The following GPHN variants were observed in gnomAD, a reference collection of about 807,000 sequenced individuals.
The protein encoded by GPHN is gephyrin.
In GPHN, 17 loss-of-function variants were observed where a neutral mutation model predicts 95.5. The observed-to-expected ratio is 0.18, with a 90% CI of 0.12 to 0.27. The LOEUF is 0.27. Among genes scored for constraint, GPHN ranks in the 10% least tolerant of loss-of-function variants. The pLI is 1.00. For synonymous variants in GPHN, 320 were observed against 322.5 expected (o/e 0.99, Z 0.08); for missense variants, 660 against 978.1 (o/e 0.67, Z 4.34).
the GPHN span, among the ~76,000 whole-genome samples, chr14:67,420,922 GGTAAA>G: frequency 2.6e-5 from 4 of 152,208 alleles, no homozygotes. Context: ...ATCTGATCTT[GGTAAA>G]GTACAGATCT....
At chr14:66,909,300 C>T (rs2065550167) in intron 5 of GPHN, among the ~76,000 whole-genome samples, 1 of 152,048 alleles carries the variant, frequency 6.6e-6, no homozygotes, top group Non-Finnish European at 1.5e-5. Flanking sequence ...TGTAGTAAAA[C>T]GTAAACATTT....
chr14:67,628,484 T>C, the GPHN span, among the ~76,000 whole-genome samples: 1 of 152,236 alleles, frequency 6.6e-6, no homozygotes, highest in Non-Finnish European at 1.5e-5. Context: ...AAATCTATAA[T>C]AGACACTATT....
Position 66,561,174 on chromosome 14 carries a change from G to A in GPHN, c.64+52583G>A, listed in dbSNP as rs868604833. Among the ~76,000 whole-genome samples the A allele has an allele frequency of 7.2e-5, 11 of 152,236 alleles. 2 individuals are homozygous for A. The highest frequency in any genetic ancestry group is 2.4e-4 in the African/African-American group (10 of 41,554). ...TTTTATTGAGGATTTTTGCATCAAT[G>A]TTCATCAAGGATATTGGTCTAAAAT... is the stretch of plus-strand genomic sequence containing the variant. On this transcript the variant is annotated intron_variant, in intron 1 of 22. Transcript: ENST00000478722.
intron 1 of GPHN, among the ~76,000 whole-genome samples, chr14:66,576,764 G>T (rs1029462821): frequency 6.6e-6 from 1 of 152,128 alleles, no homozygotes; most frequent in Non-Finnish European, 1.5e-5. Context: ...TTATGATTAA[G>T]AGTAGTATAT....
the GPHN span, among the ~76,000 whole-genome samples, chr14:67,309,046 C>T: frequency 2.0e-5 from 3 of 152,000 alleles, no homozygotes; most frequent in African/African-American, 7.3e-5. Context: ...AAGATAATTG[C>T]GTCCAAACAG....
intron 10 of GPHN, among the ~76,000 whole-genome samples, chr14:67,033,408 A>T (rs926140743): frequency 1.3e-5 from 2 of 151,966 alleles, no homozygotes; most frequent in East Asian, 1.9e-4. Context: ...TACTAAAAAT[A>T]AAAAAAGTAG....
intron 5 of GPHN, among the ~76,000 whole-genome samples, chr14:66,880,466 A>G (rs888647946): frequency 6.6e-6 from 1 of 151,968 alleles, no homozygotes; most frequent in Admixed American, 6.6e-5. Context: ...GTTTATTACT[A>G]TGTAAAGTTA....
intron 8 of GPHN, among the ~76,000 whole-genome samples, chr14:66,940,339 G>C (rs2153572341): frequency 6.6e-6 from 1 of 152,218 alleles, no homozygotes; most frequent in South Asian, 2.1e-4. Flanking sequence ...TACTCATGTA[G>C]AAAGAGGGGA....
chr14:67,381,774 T>C, the GPHN span: 1 of 977,120 alleles, frequency 1.0e-6, no homozygotes, highest in South Asian at 1.6e-5. Flanking sequence ...TTTTTTTTTT[T>C]TAATCACATT....
At chr14:67,676,412 A>T in the GPHN span, among the ~76,000 whole-genome samples, 173 of 152,216 alleles carry the variant, frequency 1.1e-3, no homozygotes, top group African/African-American at 3.8e-3. Flanking sequence ...ACAGTACAGA[A>T]ATAAGGGGCA....
intron 1 of GPHN, among the ~76,000 whole-genome samples, chr14:66,522,762 A>T (rs1280765574): frequency 2.0e-5 from 3 of 150,292 alleles, no homozygotes; most frequent in Non-Finnish European, 3.0e-5. Context: ...AAAATATATA[A>T]TTTTTTTTTC....
At chr14:67,486,901 T>A in the GPHN span, 1 of 151,982 alleles carries the variant, frequency 6.6e-6, no homozygotes, top group East Asian at 1.9e-4. Context: ...GGGAACAGAC[T>A]CAGAACTAGA....
chr14:66,817,558 GT>G (rs1233653723), intron 3 of GPHN, among the ~76,000 whole-genome samples: 1 of 152,086 alleles, frequency 6.6e-6, no homozygotes, highest in East Asian at 1.9e-4. Flanking sequence ...ATAGTGATTT[GT>G]TATTTTTCAC....
chr14:66,525,412 A>C (rs572789402), intron 1 of GPHN, among the ~76,000 whole-genome samples: 1 of 152,084 alleles, frequency 6.6e-6, no homozygotes, highest in Non-Finnish European at 1.5e-5. Context: ...AGATGAGTAG[A>C]TTGCAAAAAC....
chr14:66,513,607 G>A (rs2058127476), intron 1 of GPHN, among the ~76,000 whole-genome samples: 2 of 151,700 alleles, frequency 1.3e-5, no homozygotes, highest in Non-Finnish European at 3.0e-5. Context: ...AAACCACAAA[G>A]GATTTCTTCC....
At chr14:67,165,249 T>G in intron 20 of GPHN, 23 bp downstream of exon 20, 1 of 1,552,148 alleles carries the variant, frequency 6.4e-7, no homozygotes, top group Non-Finnish European at 8.9e-7. Context: ...AATTGTTTCC[T>G]TTCCTTTTTC....
chr14:66,821,908 G>A (rs2061207825), intron 3 of GPHN, among the ~76,000 whole-genome samples: 1 of 152,118 alleles, frequency 6.6e-6, no homozygotes, highest in South Asian at 2.1e-4. Context: ...ATCCATCCTG[G>A]AAATAGAAAA....
At chr14:67,328,900 G>A in the GPHN span, among the ~76,000 whole-genome samples, 6 of 152,324 alleles carry the variant, frequency 3.9e-5, no homozygotes, top group Admixed American at 3.3e-4. Flanking sequence ...ATAGTTTGAA[G>A]TTGGATAGGG....
At chr14:67,018,974 T>C (rs2073456826) in intron 9 of GPHN, among the ~76,000 whole-genome samples, 2 of 152,220 alleles carry the variant, frequency 1.3e-5, no homozygotes, top group Non-Finnish European at 2.9e-5. Context: ...TTGAACAGTT[T>C]AGACATTGCT....
Sources: allele counts gnomAD v4.1 joint callset (sites outside exome capture counted in the v4.1 genomes callset), GRCh38; gene constraint gnomAD v4.1.1; transcripts MANE v1.5; gene names NCBI Gene and HGNC (gene_info 2026-07-23, HGNC 2026-07-21).